The following CDH4 variants were observed in gnomAD, a reference collection of about 807,000 sequenced individuals.
CDH4 encodes cadherin 4.
Under a neutral mutation model 86.0 loss-of-function variants are expected in CDH4, and 33 were observed. The ratio of observed to expected loss-of-function variants is 0.38; its 90% CI spans 0.29 to 0.51. The LOEUF is 0.51. Ranked by LOEUF, CDH4 falls within the 20% of genes least tolerant of loss-of-function variation. CDH4 has a pLI of 0.86. For synonymous variants in CDH4, 555 were observed against 549.4 expected, an observed-to-expected ratio of 1.01 and a Z score of -0.14; for missense variants, 1,114 against 1,307.4, an observed-to-expected ratio of 0.85 and a Z score of 2.28.
chr20:61,929,706 C>T lies in CDH4; in HGVS notation c.2103C>T (p.Ser701=), dbSNP rs188623589. 3.4e-5 allele frequency: 55 copies of T among 1,614,190 alleles called. No individual in the cohort carries two copies. The highest frequency in any genetic ancestry group is 2.3e-4 in the Admixed American group (14 of 60,024). ...CAGACTCTGGAAACCCTCCCCTGTCCAACACGTCCATCATCAAAGTCAAGG... is the reference window on the plus strand; with the variant it reads ...CAGACTCTGGAAACCCTCCCCTGTCTAACACGTCCATCATCAAAGTCAAGG... The part of the protein sequence containing the change: ...IVTDSGNPPL[S]NTSIIKVKVC... The change falls in exon 13 of 16, where the codon TCC becomes TCT. Residue 701 remains serine (S), a synonymous_variant. Transcript: ENST00000614565.
intron 3 of CDH4, among the ~76,000 whole-genome samples, chr20:61,771,031 A>G (rs1041662042): frequency 8.8e-5 from 11 of 124,982 alleles, no homozygotes; most frequent in African/African-American, 1.2e-4. Context: ...TTTTTTTGAG[A>G]CAGAGTTTCG....
intron 2 of CDH4, among the ~76,000 whole-genome samples, chr20:61,653,248 T>TG: frequency 1.5e-5 from 2 of 131,658 alleles, no homozygotes; most frequent in African/African-American, 5.3e-5. Flanking sequence ...AGCACAGGGT[T>TG]GGGGGTAAGG....
intron 2 of CDH4, among the ~76,000 whole-genome samples, chr20:61,585,976 GTGA>G (rs766690838): frequency 3.5e-5 from 5 of 143,646 alleles, no homozygotes; most frequent in Admixed American, 7.0e-5. Context: ...TGGTGATGAT[GTGA>G]TGATGATGGT....
chr20:61,756,303 G>C (rs6121798), intron 3 of CDH4, among the ~76,000 whole-genome samples: 6 of 152,094 alleles, frequency 3.9e-5, no homozygotes, highest in African/African-American at 1.2e-4. Flanking sequence ...GCTGGGGGCT[G>C]TGGGACTGTC....
chr20:61,734,814 A>C (rs1249030318), intron 2 of CDH4, among the ~76,000 whole-genome samples: 1 of 152,216 alleles, frequency 6.6e-6, no homozygotes, highest in South Asian at 2.1e-4. Flanking sequence ...GCACGTGGAC[A>C]CAGCGCACAC....
chr20:61,849,719 C>G (rs576312736), intron 5 of CDH4, among the ~76,000 whole-genome samples: 1 of 152,354 alleles, frequency 6.6e-6, no homozygotes, highest in East Asian at 1.9e-4. Context: ...CGGCACGTGT[C>G]TCCTCCACTG....
chr20:61,663,188 C>G lies in CDH4; in HGVS notation c.170-80375C>G, dbSNP rs890275637. Among the ~76,000 whole-genome samples the G allele has an allele frequency of 6.6e-6, 1 of 152,210 alleles. No homozygotes were observed. Among genetic ancestry groups the G allele is most frequent in the African/African-American group, 2.4e-5 (1 of 41,456 alleles). On this transcript the variant is annotated intron_variant, in intron 2 of 15. Transcript: ENST00000614565. This position sits in a 1 kb window ranked among gnomAD's most constrained non-coding sequence, Gnocchi z 5.0. ...TGCAGCTCCATGAGTGTCCACGCCT[C>G]CGTGTGTGGACTGATGAGGTAAACG...
chr20:61,589,910 G>T (rs1220918214), intron 2 of CDH4, among the ~76,000 whole-genome samples: 1 of 152,040 alleles, frequency 6.6e-6, no homozygotes, highest in African/African-American at 2.4e-5. Context: ...TAATCAACAG[G>T]ATTAACAGGA....
chr20:61,716,506 T>C (rs1016642146), intron 2 of CDH4, among the ~76,000 whole-genome samples: 1 of 152,222 alleles, frequency 6.6e-6, no homozygotes. Context: ...GTGCTGCTTT[T>C]CACCTGTCCA....
intron 2 of CDH4, among the ~76,000 whole-genome samples, chr20:61,538,136 A>C (rs1383919959): frequency 1.3e-5 from 2 of 152,098 alleles, no homozygotes; most frequent in Non-Finnish European, 2.9e-5. Flanking sequence ...GTCCACCCAA[A>C]GCTGTATTTT....
rs546645286 is a variant in CDH4 at position 61,858,151 on chromosome 20, GTGTC to G, written c.877+5257_877+5260del. 4.1e-3 allele frequency among the ~76,000 whole-genome samples: 536 copies of G among 130,090 alleles called. 9 individuals are homozygous for G. The South Asian group carries it at 0.054, about 13-fold the overall frequency. 85.3% of individuals were successfully genotyped at this position (130,090 alleles called of 152,430 possible). A position where few individuals can be genotyped will look rare whatever the true frequency, so the allele number is the denominator to read the frequency against. On this transcript the variant is annotated intron_variant, in intron 6 of 15. Coordinates refer to ENST00000614565, the MANE Select transcript of CDH4 (RefSeq NM_001794.5). Reference sequence around the variant, plus strand: ...GGTGTCTGCATCTGTGTGTGTGTCTGTGTCTGTGTGTCTCTGTGTGTCTGTGTGT... The same window carrying G: ...GGTGTCTGCATCTGTGTGTGTGTCTGTGTGTGTCTCTGTGTGTCTGTGTGT...
intron 2 of CDH4, among the ~76,000 whole-genome samples, chr20:61,542,467 C>T (rs1189550979): frequency 6.6e-6 from 1 of 152,162 alleles, no homozygotes; most frequent in African/African-American, 2.4e-5. Flanking sequence ...TATTTCATCG[C>T]TTTAATCTGC....
chr20:61,504,880 C>T (rs6061261), intron 2 of CDH4, among the ~76,000 whole-genome samples: 4,467 of 152,272 alleles, frequency 0.029, 214 homozygotes, highest in African/African-American at 0.1. Flanking sequence ...TCACCTTCAC[C>T]GTTTCCTCTC....
intron 2 of CDH4, among the ~76,000 whole-genome samples, chr20:61,514,954 T>C (rs2085807689): frequency 6.6e-6 from 1 of 152,130 alleles, no homozygotes; most frequent in Non-Finnish European, 1.5e-5. Flanking sequence ...GCCTGCACCA[T>C]TGCCTGGCAT....
In CDH4 at chr20:61,903,540, TA is replaced by T. The variant is rs60370683; in HGVS notation, c.1189-6863del. Among the ~76,000 whole-genome samples the T allele has an allele frequency of 7.6e-4, 69 of 90,882 alleles. 2 individuals are homozygous for T. Among genetic ancestry groups the T allele is most frequent in the Middle Eastern group, 7.6e-3 (1 of 132 alleles). The allele number at this position is 90,882 out of a possible 152,430, so 59.6% of individuals were successfully genotyped here. ...AGCGTGGGCAGCAGAAGAGACTCCATAAAAAAAAAAAAAAAAAAAGTGTAAA... is the reference window on the plus strand; with the variant it reads ...AGCGTGGGCAGCAGAAGAGACTCCATAAAAAAAAAAAAAAAAAAGTGTAAA... On this transcript the variant is annotated intron_variant, in intron 8 of 15. Coordinates refer to ENST00000614565, the MANE Select transcript of CDH4 (RefSeq NM_001794.5).
At chr20:61,592,729 C>T (rs1017010856) in intron 2 of CDH4, among the ~76,000 whole-genome samples, 8 of 152,178 alleles carry the variant, frequency 5.3e-5, no homozygotes, top group South Asian at 2.1e-4. Flanking sequence ...GTCACTCCCA[C>T]GCAGTCTTCT....
intron 2 of CDH4, among the ~76,000 whole-genome samples, chr20:61,594,256 T>TGG (rs1306475274): frequency 3.5e-5 from 1 of 28,202 alleles, no homozygotes; most frequent in East Asian, 1.4e-3. Flanking sequence ...GGGAAGAGGG[T>TGG]GGGGGGGAAG....
intron 2 of CDH4, among the ~76,000 whole-genome samples, chr20:61,722,796 G>A (rs2088057999): frequency 6.6e-6 from 1 of 152,204 alleles, no homozygotes; most frequent in Non-Finnish European, 1.5e-5. Context: ...AAGGAAAGCA[G>A]AAATTTTGTG....
chr20:61,638,399 C>G (rs1030170515), intron 2 of CDH4, among the ~76,000 whole-genome samples: 2 of 152,086 alleles, frequency 1.3e-5, no homozygotes, highest in Non-Finnish European at 2.9e-5. Flanking sequence ...TGTAGAATAT[C>G]CTAATGGATT....
Sources: gnomAD v4.1 joint callset for allele counts (sites outside exome capture counted in the v4.1 genomes callset) on GRCh38, gnomAD v4.1.1 for gene constraint, Gnocchi (gnomAD v3.1) non-coding constraint, MANE v1.5 for transcripts, NCBI Gene and HGNC (gene_info 2026-07-23, HGNC 2026-07-21) for gene names.